The following PCDHGB2 variants were observed in gnomAD, a reference collection of about 807,000 sequenced individuals.
The protein encoded by PCDHGB2 is protocadherin gamma-B2.
A neutral mutation model predicts 59.3 loss-of-function variants in PCDHGB2; 55 were observed. The ratio of observed to expected loss-of-function variants is 0.93; its 90% confidence interval spans 0.75 to 1.16. The LOEUF is 1.16. PCDHGB2 is among the 50% of genes most tolerant of loss of function. The pLI is 0.00. For missense variants in PCDHGB2, 1,228 were observed against 1,198.5 expected, an observed-to-expected ratio of 1.02 and a Z score of -0.36; for synonymous variants, 516 against 512.0, an observed-to-expected ratio of 1.01 and a Z score of -0.11.
chr5:141,422,831 C>A (rs766457129), intron 1 of PCDHGB2: 11 of 1,614,242 alleles, frequency 6.8e-6, no homozygotes, highest in Non-Finnish European at 6.8e-6. Context: ...AGAGTGATAG[C>A]ACGTGACAGC....
intron 1 of PCDHGB2, chr5:141,389,382 T>C (rs2091728828): frequency 6.2e-7 from 1 of 1,613,704 alleles, no homozygotes; most frequent in East Asian, 2.2e-5. Flanking sequence ...GCGGGAGCTG[T>C]CATCCTACGT....
chr5:141,381,971 A>C (rs1777809819), intron 1 of PCDHGB2, among the ~76,000 whole-genome samples: 1 of 150,888 alleles, frequency 6.6e-6, no homozygotes, highest in African/African-American at 2.4e-5. Flanking sequence ...CTGGGATTAC[A>C]GGCGCGCGCC....
chr5:141,393,851 A>T (rs758721118), intron 1 of PCDHGB2: 2 of 1,613,988 alleles, frequency 1.2e-6, no homozygotes, highest in Non-Finnish European at 1.7e-6. Context: ...ATAGACCAGA[A>T]GTGATCATTA....
chr5:141,383,810 T>C (rs879645741), intron 1 of PCDHGB2: 2 of 1,613,958 alleles, frequency 1.2e-6, no homozygotes, highest in Non-Finnish European at 8.5e-7. Context: ...ATATCAACTT[T>C]AGAAGGATTA....
chr5:141,438,623 TATATATATATATACACAC>T (rs1435936123), intron 1 of PCDHGB2, among the ~76,000 whole-genome samples: 532 of 42,826 alleles, frequency 0.012, 5 homozygotes, highest in African/African-American at 0.075. Flanking sequence ...TATATATATA[TATATATATATATACACAC>T]ACACACACAC....
intron 1 of PCDHGB2, among the ~76,000 whole-genome samples, chr5:141,456,640 TG>T (rs1258175023): frequency 6.6e-6 from 1 of 152,130 alleles, no homozygotes; most frequent in Non-Finnish European, 1.5e-5. Flanking sequence ...TTACTACAGG[TG>T]TTAATCCCAA....
At chr5:141,395,495 T>A (rs182989344) in intron 1 of PCDHGB2, 1 of 498,616 alleles carries the variant, frequency 2.0e-6, no homozygotes, top group East Asian at 3.5e-5. Context: ...TATCACTCAT[T>A]CACTTAAGAA....
intron 1 of PCDHGB2, chr5:141,384,274 G>T (rs1396743546): frequency 6.2e-7 from 1 of 1,613,704 alleles, no homozygotes; most frequent in East Asian, 2.2e-5. Flanking sequence ...ATCCTACTCA[G>T]TCTACATCGC....
intron 1 of PCDHGB2, chr5:141,421,420 G>A: frequency 6.2e-7 from 1 of 1,614,084 alleles, no homozygotes; most frequent in Admixed American, 1.7e-5. Context: ...GAAGCGCGGA[G>A]TCCGCATCGT....
chr5:141,413,328 C>G, intron 1 of PCDHGB2: 1 of 1,614,004 alleles, frequency 6.2e-7, no homozygotes, highest in Non-Finnish European at 8.5e-7. Context: ...TCGTGGGCAA[C>G]ATCTCCAAGG....
chr5:141,404,169 C>T (rs199556803), intron 1 of PCDHGB2: 118 of 1,612,734 alleles, frequency 7.3e-5, no homozygotes, highest in Non-Finnish European at 8.8e-5. Flanking sequence ...AGATTGTTGA[C>T]GGCCCAAATT....
At chr5:141,453,865 A>T (rs1048679358) in intron 1 of PCDHGB2, among the ~76,000 whole-genome samples, 2 of 152,234 alleles carry the variant, frequency 1.3e-5, no homozygotes, top group African/African-American at 4.8e-5. Flanking sequence ...AAAATAACAG[A>T]TGAGCAAAAT....
chr5:141,468,749 C>G (rs1237051053), intron 1 of PCDHGB2, among the ~76,000 whole-genome samples: 1 of 151,962 alleles, frequency 6.6e-6, no homozygotes, highest in Non-Finnish European at 1.5e-5. Context: ...GCCTGTAGTC[C>G]CAGCTACTCG....
At chr5:141,451,892 A>C (rs1215224398) in intron 1 of PCDHGB2, among the ~76,000 whole-genome samples, 2 of 152,114 alleles carry the variant, frequency 1.3e-5, no homozygotes, top group Non-Finnish European at 2.9e-5. Context: ...AAAGAAAGGA[A>C]GGAACAAGGG....
chr5:141,435,718 G>T (rs2097776232), intron 1 of PCDHGB2, among the ~76,000 whole-genome samples: 1 of 152,150 alleles, frequency 6.6e-6, no homozygotes, highest in African/African-American at 2.4e-5. Context: ...GACACTGAAT[G>T]CTAAAGTGTA....
At chr5:141,385,287 T>C in intron 1 of PCDHGB2, 1 of 1,613,408 alleles carries the variant, frequency 6.2e-7, no homozygotes, top group Non-Finnish European at 8.5e-7. Flanking sequence ...CATCCGTAGA[T>C]TTTCAGGAAT....
chr5:141,490,142 C>T lies in PCDHGB2; in HGVS notation c.2422-4665C>T. On this transcript the variant is annotated intron_variant, in intron 1 of 3. Transcript: ENST00000522605. This position sits in a 1 kb window ranked among gnomAD's most constrained non-coding sequence, Gnocchi z 5.4. ...TTTGGCCTAGACCCTAGCAGTGGGG[C>T]AATCCATGTGTTGGGTCCCATAGAC... 2 of 1,614,220 alleles carry T rather than the reference C, an allele frequency of 1.2e-6. No individual in the cohort carries two copies. Among genetic ancestry groups the T allele is most frequent in the South Asian group, 1.1e-5 (1 of 91,088 alleles).
intron 1 of PCDHGB2, chr5:141,371,904 T>A (rs1375493299): frequency 6.2e-7 from 1 of 1,613,398 alleles, no homozygotes. Context: ...GCTGTCGTCC[T>A]ACGTGTCCGT....
In PCDHGB2 at chr5:141,477,428, T is replaced by C; in HGVS notation, c.2422-17379T>C. On this transcript the variant is annotated intron_variant, in intron 1 of 3. Transcript: ENST00000522605. The surrounding 1 kb of genome is among the most constrained non-coding windows in gnomAD (Gnocchi z 4.9). ...CCGAGACGCCGGAACCCCTTCCCTC[T>C]CAGCCCTTACAATAGTGCGTGTTCA... The C allele has an allele frequency of 6.2e-7, 1 of 1,614,142 alleles. No individual in the cohort carries two copies. Among genetic ancestry groups the C allele is most frequent in the Non-Finnish European group, 8.5e-7 (1 of 1,180,036 alleles).
Sources: allele counts gnomAD v4.1 joint callset (sites outside exome capture counted in the v4.1 genomes callset), GRCh38; gene constraint gnomAD v4.1.1; non-coding constraint Gnocchi (gnomAD v3.1); transcripts MANE v1.5; gene names NCBI Gene and HGNC (gene_info 2026-07-23, HGNC 2026-07-21).